The following TEX2 variants were observed in gnomAD, a reference collection of about 807,000 sequenced individuals.
The protein encoded by TEX2 is testis expressed 2, also known as testis-expressed protein 2.
TEX2 carries 53 observed loss-of-function variants against 106.9 expected under a neutral mutation model. That is an observed-to-expected ratio of 0.50 (90% CI 0.40 to 0.62). The LOEUF (loss-of-function observed/expected upper bound fraction) is 0.62, where lower values mean the gene tolerates loss of function less well. Among genes scored for constraint, TEX2 ranks in the 20% least tolerant of loss-of-function variants. TEX2 has a pLI of 0.00. For missense variants in TEX2, 1,207 were observed against 1,379.0 expected (o/e 0.88, Z 1.98); for synonymous variants, 523 against 534.8 (o/e 0.98, Z 0.30).
chr17:64,213,019 A>G lies in TEX2; in HGVS notation c.1199T>C (p.Leu400Pro). Reference protein sequence around the residue: ...LKDLGLKTSSLVLEKCSLSAL... With the variant: ...LKDLGLKTSSPVLEKCSLSAL... ...AGACAAAGAACATTTCTCCAGAACT[A>G]GAGAACTTGTCTTCAGGCCTAAATC... The change falls in exon 2 of 12, where the codon CTA (leucine) becomes CCA (proline). Residue 400 changes from leucine (L) to proline (P), a missense_variant. Physicochemically the swap from Leu to Pro is moderately conservative, Grantham distance 98. Transcript: ENST00000584379. The surrounding 1 kb of genome is among the most constrained non-coding windows in gnomAD (Gnocchi z 4.4). 2 of 1,614,244 alleles carry G rather than the reference A, an allele frequency of 1.2e-6. No individual in the cohort carries two copies. Among genetic ancestry groups the G allele is most frequent in the South Asian group, 2.2e-5 (2 of 91,086 alleles).
At chr17:64,158,417 G>C (rs1330980449) in intron 8 of TEX2, among the ~76,000 whole-genome samples, 1 of 152,272 alleles carries the variant, frequency 6.6e-6, no homozygotes, top group Non-Finnish European at 1.5e-5. Context: ...GCCCTGGACA[G>C]GTGGCCATGG....
chr17:64,215,884 A>G (rs1225668012), intron 1 of TEX2, among the ~76,000 whole-genome samples: 1 of 152,200 alleles, frequency 6.6e-6, no homozygotes, highest in Non-Finnish European at 1.5e-5. Flanking sequence ...AAATCATAAA[A>G]TGGGTAGGGG....
At chr17:64,180,253 C>T in intron 5 of TEX2, among the ~76,000 whole-genome samples, 1 of 152,198 alleles carries the variant, frequency 6.6e-6, no homozygotes, top group East Asian at 1.9e-4. Flanking sequence ...CTAGAGGGAG[C>T]ATCTACCCTT....
At chr17:64,173,135 C>T (rs1282928204) in intron 6 of TEX2, among the ~76,000 whole-genome samples, 1 of 152,134 alleles carries the variant, frequency 6.6e-6, no homozygotes, top group African/African-American at 2.4e-5. Context: ...TGCTAAATTC[C>T]CACTGCACTG....
Position 64,228,929 on chromosome 17 carries a change from T to TACACACAC in TEX2, c.-25-14695_-25-14688dup, listed in dbSNP as rs57741930. On this transcript the variant is annotated intron_variant, in intron 1 of 11. Transcript: ENST00000584379. ...TGGCCTATACCTATGGACTGACAGG[T>TACACACAC]ACACACACACACACACACACACACA... Among the ~76,000 whole-genome samples, 358 of 146,736 alleles carry TACACACAC rather than the reference T, an allele frequency of 2.4e-3. 1 individual carries two copies. Among genetic ancestry groups the TACACACAC allele is most frequent in the Non-Finnish European group, 2.7e-3 (182 of 66,844 alleles).
chr17:64,193,857 C>A lies in TEX2; in HGVS notation c.1878G>T (p.Lys626Asn). Residue 626 changes from lysine (K) to asparagine (N), a missense_variant, in exon 4 of 12, where the codon AAG becomes AAT. Physicochemically the swap from Lys to Asn is moderately conservative, Grantham distance 94. Coordinates refer to ENST00000584379, the MANE Select transcript of TEX2 (RefSeq NM_001288732.2). ...TGGGGTACTTTTTATTCCAGATTCG[C>A]TTTCGAGCCAAAGTTTTAGGTACAA... is the stretch of plus-strand genomic sequence containing the variant. ...IYLVPKTLAR[K>N]RIWNKKYPIC... The A allele has an allele frequency of 6.4e-7, 1 of 1,566,736 alleles. No homozygotes were observed. The highest frequency in any genetic ancestry group is 8.7e-7 in the Non-Finnish European group (1 of 1,151,882).
intron 1 of TEX2, among the ~76,000 whole-genome samples, chr17:64,250,633 G>A (rs1246804468): frequency 2.0e-5 from 3 of 152,116 alleles, no homozygotes; most frequent in African/African-American, 7.2e-5. Context: ...CTGTTGTCTC[G>A]GTCTGGCAGG....
intron 2 of TEX2, among the ~76,000 whole-genome samples, chr17:64,197,712 C>G (rs1442467976): frequency 6.6e-6 from 1 of 152,142 alleles, no homozygotes; most frequent in East Asian, 1.9e-4. Context: ...ATACGTGTCA[C>G]TACACCAAGC....
intron 1 of TEX2, among the ~76,000 whole-genome samples, chr17:64,229,776 T>C (rs1255345848): frequency 6.6e-6 from 1 of 152,210 alleles, no homozygotes; most frequent in Non-Finnish European, 1.5e-5. Context: ...CTAGCTATAA[T>C]AAACTGTAAA....
At chr17:64,210,652 T>C (rs1284906684) in intron 2 of TEX2, among the ~76,000 whole-genome samples, 2 of 149,110 alleles carry the variant, frequency 1.3e-5, no homozygotes, top group Admixed American at 6.7e-5. Context: ...TTTTTTTTTT[T>C]TTTTTTTGCA....
At chr17:64,251,836 T>C (rs1445730769) in intron 1 of TEX2, among the ~76,000 whole-genome samples, 2 of 152,212 alleles carry the variant, frequency 1.3e-5, no homozygotes, top group African/African-American at 2.4e-5. Flanking sequence ...CCCTCTTTAG[T>C]GTCCACCAGG....
intron 2 of TEX2, among the ~76,000 whole-genome samples, chr17:64,202,984 C>T (rs2032717697): frequency 6.6e-6 from 1 of 152,136 alleles, no homozygotes; most frequent in African/African-American, 2.4e-5. Flanking sequence ...TTAGAAGCCA[C>T]GTATGGCTGA....
At chr17:64,178,387 A>G (rs978215801) in intron 5 of TEX2, among the ~76,000 whole-genome samples, 19 of 152,200 alleles carry the variant, frequency 1.2e-4, no homozygotes, top group African/African-American at 4.6e-4. Flanking sequence ...GTAATGTAGC[A>G]GCTGTCCACT....
At position 64,153,138 on chromosome 17, in the gene TEX2, G is replaced by A. The variant is rs762202574; in HGVS notation, c.2947C>T (p.Arg983Ter). The part of the protein sequence containing the change: ...PGAEGYVGGH[R>*]TSKIMRFVDK... ...ACAAACCTCATAATCTTACTTGTTC[G>A]ATGACCTCCAACGTACCTTCAAATG... Residue 983 changes from arginine (R) to a stop codon, truncating the protein, a stop_gained, in exon 10 of 12, where the codon CGA becomes TGA. Coordinates refer to ENST00000584379, the MANE Select transcript of TEX2 (RefSeq NM_001288732.2). LOFTEE classifies it high-confidence loss of function. The surrounding 1 kb of genome is among the most constrained non-coding windows in gnomAD (Gnocchi z 4.1). 3 of 1,613,358 alleles carry A rather than the reference G, an allele frequency of 1.9e-6. No homozygotes were observed. The highest frequency in any genetic ancestry group is 2.5e-6 in the Non-Finnish European group (3 of 1,179,604).
chr17:64,176,058 C>G (rs1038884099), intron 6 of TEX2, among the ~76,000 whole-genome samples: 2 of 152,202 alleles, frequency 1.3e-5, no homozygotes, highest in African/African-American at 4.8e-5. Flanking sequence ...TGCTATGGAA[C>G]TGGCTAGCAG....
intron 11 of TEX2, chr17:64,150,249 C>G (rs147227884): frequency 6.6e-6 from 1 of 152,236 alleles, no homozygotes; most frequent in Non-Finnish European, 1.5e-5. Flanking sequence ...CCTAGGGCCT[C>G]AGCTATACTG....
chr17:64,172,664 AGAGT>A (rs1173721152), intron 6 of TEX2, among the ~76,000 whole-genome samples: 3 of 152,162 alleles, frequency 2.0e-5, no homozygotes, highest in Admixed American at 2.0e-4. Flanking sequence ...TGCTCCAGAG[AGAGT>A]AACAGCTCCC....
intron 6 of TEX2, among the ~76,000 whole-genome samples, chr17:64,176,988 T>C (rs2031641609): frequency 6.6e-6 from 1 of 152,194 alleles, no homozygotes. Flanking sequence ...GATGTACAAT[T>C]TAAGTTCATT....
At chr17:64,212,469 G>A (rs1325587859) in intron 2 of TEX2, 105 bp downstream of exon 2, 4 of 1,073,050 alleles carry the variant, frequency 3.7e-6, no homozygotes, top group Middle Eastern at 6.1e-4. Flanking sequence ...AAAAAACACG[G>A]CCTGTGCAAA....
Sources: gnomAD v4.1 joint callset for allele counts (sites outside exome capture counted in the v4.1 genomes callset) on GRCh38, gnomAD v4.1.1 for gene constraint, Gnocchi (gnomAD v3.1) non-coding constraint, MANE v1.5 for transcripts, NCBI Gene and HGNC (gene_info 2026-07-23, HGNC 2026-07-21) for gene names.